The following OSBPL1A variants were observed in gnomAD, a reference collection of about 807,000 sequenced individuals.
OSBPL1A encodes the protein oxysterol-binding protein-related protein 1.
OSBPL1A carries 80 observed loss-of-function variants against 137.1 expected under a neutral mutation model. That is an observed-to-expected ratio of 0.58 (90% CI 0.49 to 0.70). OSBPL1A has a LOEUF of 0.70. OSBPL1A is among the 30% of genes least tolerant of loss of function. The probability of loss-of-function intolerance (pLI) is 0.00; values close to 1 mark genes in which losing one functional copy is unlikely to be tolerated. For missense variants in OSBPL1A, 970 were observed against 1,129.4 expected (o/e 0.86, Z 2.02); for synonymous variants, 365 against 389.7 (o/e 0.94, Z 0.75).
chr18:24,200,134 C>G (rs966790277), intron 17 of OSBPL1A, among the ~76,000 whole-genome samples: 2 of 152,142 alleles, frequency 1.3e-5, no homozygotes, highest in Non-Finnish European at 2.9e-5. Context: ...TCTTTGAAAT[C>G]CAGTGTGTAT....
At chr18:24,190,346 GAAAAAAAAAAAA>G (rs140195338) in intron 18 of OSBPL1A, among the ~76,000 whole-genome samples, 21 of 49,180 alleles carry the variant, frequency 4.3e-4, no homozygotes, top group African/African-American at 1.3e-3. Flanking sequence ...CTCTGCTACT[GAAAAAAAAAAAA>G]AAAAAAAAAA....
At chr18:24,260,104 A>AAC (rs1201803774) in intron 15 of OSBPL1A, among the ~76,000 whole-genome samples, 1 of 152,236 alleles carries the variant, frequency 6.6e-6, no homozygotes, top group Admixed American at 6.5e-5. Flanking sequence ...GCAAATCATA[A>AAC]ACACAATGAG....
intron 17 of OSBPL1A, among the ~76,000 whole-genome samples, chr18:24,215,691 C>G (rs1599505170): frequency 6.6e-6 from 1 of 152,178 alleles, no homozygotes; most frequent in East Asian, 1.9e-4. Context: ...ACAGACACTT[C>G]AGTGTATTTG....
chr18:24,337,207 A>G (rs1047869281), intron 5 of OSBPL1A, among the ~76,000 whole-genome samples: 2 of 152,170 alleles, frequency 1.3e-5, no homozygotes, highest in African/African-American at 4.8e-5. Flanking sequence ...AAAAAGGTCA[A>G]TATCGGCCAG....
chr18:24,274,406 T>G (rs1194556506), intron 15 of OSBPL1A, among the ~76,000 whole-genome samples: 1 of 152,078 alleles, frequency 6.6e-6, no homozygotes, highest in African/African-American at 2.4e-5. Flanking sequence ...GCTTCTGATA[T>G]AAGCATATGT....
At chr18:24,217,728 T>C (rs546083635) in intron 17 of OSBPL1A, among the ~76,000 whole-genome samples, 9 of 152,254 alleles carry the variant, frequency 5.9e-5, no homozygotes, top group African/African-American at 1.9e-4. Flanking sequence ...AGATTGTCAA[T>C]GACTAAACCC....
At chr18:24,312,405 A>G (rs2090634800) in intron 12 of OSBPL1A, among the ~76,000 whole-genome samples, 1 of 152,220 alleles carries the variant, frequency 6.6e-6, no homozygotes, top group Non-Finnish European at 1.5e-5. Context: ...GTCACTTAAA[A>G]TTATAGGTTC....
At chr18:24,376,582 C>G (rs1599731537) in intron 2 of OSBPL1A, among the ~76,000 whole-genome samples, 1 of 152,380 alleles carries the variant, frequency 6.6e-6, no homozygotes, top group African/African-American at 2.4e-5. Flanking sequence ...TGCGCCCGCA[C>G]TCCTCAGCCC....
intron 5 of OSBPL1A, among the ~76,000 whole-genome samples, chr18:24,339,375 C>A (rs899484931): frequency 1.3e-5 from 2 of 152,184 alleles, no homozygotes; most frequent in African/African-American, 4.8e-5. Flanking sequence ...AACACTCTAT[C>A]CACAAATGTT....
chr18:24,274,233 CAAA>C (rs5823419), intron 15 of OSBPL1A, among the ~76,000 whole-genome samples: 5 of 110,384 alleles, frequency 4.5e-5, no homozygotes, highest in Non-Finnish European at 3.7e-5. Flanking sequence ...GACTCCTTCA[CAAA>C]AAAAAAAAAA....
intron 15 of OSBPL1A, among the ~76,000 whole-genome samples, chr18:24,260,194 GTGGAACTTTGCATA>G (rs1414557663): frequency 6.6e-6 from 1 of 152,164 alleles, no homozygotes; most frequent in East Asian, 1.9e-4. Flanking sequence ...TGTGGGGAAA[GTGGAACTTTGCATA>G]TTGCTGATGG....
At chr18:24,320,125 A>G (rs2090820727) in intron 7 of OSBPL1A, among the ~76,000 whole-genome samples, 2 of 152,054 alleles carry the variant, frequency 1.3e-5, no homozygotes, top group Admixed American at 1.3e-4. Flanking sequence ...TTAAAATAAT[A>G]ATATTTTTAT....
At chr18:24,324,775 CTCTG>C (rs1406470116) in intron 7 of OSBPL1A, among the ~76,000 whole-genome samples, 2 of 135,366 alleles carry the variant, frequency 1.5e-5, no homozygotes, top group Non-Finnish European at 3.1e-5. Flanking sequence ...CAGAGCGAGA[CTCTG>C]TCTATTAAAA....
chr18:24,337,962 G>C (rs959681735), intron 5 of OSBPL1A, among the ~76,000 whole-genome samples: 1 of 152,052 alleles, frequency 6.6e-6, no homozygotes, highest in African/African-American at 2.4e-5. Flanking sequence ...ATATGTAACA[G>C]TCTCAACCAG....
intron 11 of OSBPL1A, among the ~76,000 whole-genome samples, chr18:24,316,890 T>C (rs1203872271): frequency 1.3e-5 from 2 of 152,258 alleles, no homozygotes; most frequent in Admixed American, 6.5e-5. Flanking sequence ...TGGGTAAATT[T>C]GACAAATATT....
intron 7 of OSBPL1A, among the ~76,000 whole-genome samples, chr18:24,322,289 G>T (rs1452659786): frequency 5.0e-5 from 7 of 140,874 alleles, no homozygotes; most frequent in African/African-American, 1.3e-4. Context: ...TTTTGTATTT[G>T]TTTTTTTTTT....
chr18:24,232,010 C>A (rs1310180620), intron 16 of OSBPL1A, among the ~76,000 whole-genome samples: 2 of 152,144 alleles, frequency 1.3e-5, no homozygotes, highest in Non-Finnish European at 2.9e-5. Context: ...CTGAAGGTAA[C>A]AGAAAACAGC....
chr18:24,373,298 G>C (rs1463247722), intron 2 of OSBPL1A, among the ~76,000 whole-genome samples: 1 of 152,066 alleles, frequency 6.6e-6, no homozygotes, highest in South Asian at 2.1e-4. Context: ...CTTCACATTT[G>C]GACCTCCTAG....
At chr18:24,229,170 C>T (rs1042128121) in intron 16 of OSBPL1A, among the ~76,000 whole-genome samples, 2 of 152,122 alleles carry the variant, frequency 1.3e-5, no homozygotes, top group Non-Finnish European at 2.9e-5. Context: ...CCACTGTACT[C>T]CAGCCTGGGA....
Sources: gnomAD v4.1 joint callset for allele counts (sites outside exome capture counted in the v4.1 genomes callset) on GRCh38, gnomAD v4.1.1 for gene constraint, MANE v1.5 for transcripts, NCBI Gene and HGNC (gene_info 2026-07-23, HGNC 2026-07-21) for gene names.